Variants in FAF1 observed in about 807,000 individuals in gnomAD.
FAF1 encodes the protein FAS-associated factor 1.
A neutral mutation model predicts 92.5 loss-of-function variants in FAF1; 25 were observed. That is an observed-to-expected ratio of 0.27 (90% CI 0.20 to 0.38). The LOEUF (loss-of-function observed/expected upper bound fraction) is 0.38, where lower values mean the gene tolerates loss of function less well. FAF1 is among the 10% of genes least tolerant of loss of function. FAF1 has a pLI of 1.00. For synonymous variants in FAF1, 234 were observed against 273.2 expected, an observed-to-expected ratio of 0.86 and a Z score of 1.42; for missense variants, 636 against 793.3, an observed-to-expected ratio of 0.80 and a Z score of 2.38.
intron 1 of FAF1, among the ~76,000 whole-genome samples, chr1:50,944,716 T>C (rs930341235): frequency 1.3e-5 from 2 of 152,204 alleles, no homozygotes; most frequent in Non-Finnish European, 2.9e-5. Flanking sequence ...AGAATCTAGG[T>C]AACTGAACAA....
chr1:50,807,878 C>T (rs765678486), intron 2 of FAF1, among the ~76,000 whole-genome samples: 10 of 152,124 alleles, frequency 6.6e-5, no homozygotes, highest in Non-Finnish European at 1.0e-4. Flanking sequence ...CCTTGCTAAA[C>T]ATGCCAACAT....
At chr1:50,465,964 C>A (rs755790692) in intron 18 of FAF1, among the ~76,000 whole-genome samples, 1 of 151,888 alleles carries the variant, frequency 6.6e-6, no homozygotes, top group Non-Finnish European at 1.5e-5. Context: ...CAAGTTAGAT[C>A]GAGAAAGGCC....
At chr1:50,862,064 G>C (rs1644439465) in intron 1 of FAF1, among the ~76,000 whole-genome samples, 1 of 150,834 alleles carries the variant, frequency 6.6e-6, no homozygotes, top group African/African-American at 2.4e-5. Context: ...AAATAGTTTA[G>C]AAGTCATTAA....
chr1:50,639,933 C>CAA (rs1197342810), intron 8 of FAF1, among the ~76,000 whole-genome samples: 65 of 70,138 alleles, frequency 9.3e-4, no homozygotes, highest in African/African-American at 2.3e-3. Context: ...GACTCGATCT[C>CAA]AAAAAAAAAA....
intron 13 of FAF1, among the ~76,000 whole-genome samples, chr1:50,551,178 T>C (rs1283969034): frequency 6.6e-6 from 1 of 152,188 alleles, no homozygotes; most frequent in East Asian, 1.9e-4. Context: ...ATAGCTATTA[T>C]GTCAATTTTT....
intron 7 of FAF1, among the ~76,000 whole-genome samples, chr1:50,705,496 GAAT>G (rs747898486): frequency 4.8e-4 from 73 of 152,258 alleles, no homozygotes; most frequent in East Asian, 3.3e-3. Flanking sequence ...ATAGTATTTT[GAAT>G]AATGACTATA....
chr1:50,908,184 G>A (rs191070337), intron 1 of FAF1, among the ~76,000 whole-genome samples: 21 of 152,304 alleles, frequency 1.4e-4, no homozygotes, highest in Admixed American at 1.2e-3. Context: ...GAGTGGTTTC[G>A]AGTGAGCTTC....
At chr1:50,615,357 T>G (rs1457551126) in intron 8 of FAF1, among the ~76,000 whole-genome samples, 1 of 152,144 alleles carries the variant, frequency 6.6e-6, no homozygotes. Flanking sequence ...TTTGGTACAA[T>G]AATCTATTTG....
At chr1:50,445,212 T>C (rs947046449) in intron 18 of FAF1, among the ~76,000 whole-genome samples, 32 of 152,246 alleles carry the variant, frequency 2.1e-4, no homozygotes, top group African/African-American at 7.5e-4. Flanking sequence ...ACCCAATGTA[T>C]AGTGTTTTAT....
chr1:50,851,948 G>A (rs1400762604), intron 2 of FAF1, among the ~76,000 whole-genome samples: 1 of 151,952 alleles, frequency 6.6e-6, no homozygotes, highest in Non-Finnish European at 1.5e-5. Context: ...TTTAATTATA[G>A]TTTAGCAGTG....
chr1:50,671,933 A>C (rs1282175374), intron 7 of FAF1, among the ~76,000 whole-genome samples: 1 of 151,736 alleles, frequency 6.6e-6, no homozygotes, highest in Non-Finnish European at 1.5e-5. Context: ...CAGCCTCCTG[A>C]GTAGGTAGGA....
At chr1:50,576,516 T>C (rs188447008) in intron 12 of FAF1, among the ~76,000 whole-genome samples, 1 of 152,262 alleles carries the variant, frequency 6.6e-6, no homozygotes. Context: ...TTTTAGTTAC[T>C]ATAAATGTCT....
At chr1:50,442,414 T>C (rs1646179327) in intron 18 of FAF1, among the ~76,000 whole-genome samples, 1 of 152,238 alleles carries the variant, frequency 6.6e-6, no homozygotes, top group Non-Finnish European at 1.5e-5. Context: ...TTAGTATCAA[T>C]CTTGCAGGAC....
At chr1:50,748,853 AAAG>A (rs1659734093) in intron 4 of FAF1, among the ~76,000 whole-genome samples, 1 of 152,248 alleles carries the variant, frequency 6.6e-6, no homozygotes, top group Non-Finnish European at 1.5e-5. Flanking sequence ...TGATGAAGAA[AAAG>A]AAGAGTGGGG....
At chr1:50,474,364 C>T (rs1572768202) in intron 18 of FAF1, among the ~76,000 whole-genome samples, 1 of 152,050 alleles carries the variant, frequency 6.6e-6, no homozygotes, top group Admixed American at 6.6e-5. Context: ...CTTCAGGCTT[C>T]GTTTTTCAGC....
chr1:50,712,858 A>T lies in FAF1; in HGVS notation c.552-6967T>A, dbSNP rs372868241. 2.1e-4 allele frequency among the ~76,000 whole-genome samples: 32 copies of T among 151,800 alleles called. 1 individual carries two copies. Among genetic ancestry groups the T allele is most frequent in the Non-Finnish European group, 2.9e-5 (2 of 67,946 alleles). ...GTTAGCCATGGTTAAGCCACCTTGG[A>T]GCAGTCTTTTACCTTCAAGTTGGGG... is the stretch of plus-strand genomic sequence containing the variant. On this transcript the variant is annotated intron_variant, in intron 6 of 18. Coordinates refer to ENST00000396153, the MANE Select transcript of FAF1 (RefSeq NM_007051.3).
At chr1:50,819,786 TACATATATATATATAC>T (rs1370000743) in intron 2 of FAF1, among the ~76,000 whole-genome samples, 1 of 83,116 alleles carries the variant, frequency 1.2e-5, no homozygotes, top group African/African-American at 4.4e-5. Context: ...TACATATATA[TACATATATATATATAC>T]ATATATATAT....
chr1:50,810,991 G>A (rs1449340819), intron 2 of FAF1, among the ~76,000 whole-genome samples: 1 of 152,130 alleles, frequency 6.6e-6, no homozygotes, highest in Non-Finnish European at 1.5e-5. Flanking sequence ...GTTGCAGAGA[G>A]GTGAGATCGT....
At chr1:50,447,362 T>C (rs1646241574) in intron 18 of FAF1, among the ~76,000 whole-genome samples, 1 of 152,074 alleles carries the variant, frequency 6.6e-6, no homozygotes, top group African/African-American at 2.4e-5. Context: ...CCTGACCTAG[T>C]GATCCGCCCG....
Sources: allele counts gnomAD v4.1 joint callset (sites outside exome capture counted in the v4.1 genomes callset), GRCh38; gene constraint gnomAD v4.1.1; transcripts MANE v1.5; gene names NCBI Gene and HGNC (gene_info 2026-07-23, HGNC 2026-07-21).